Variants in PHF2 observed in about 807,000 individuals in gnomAD.
PHF2 encodes lysine-specific demethylase PHF2.
Under a neutral mutation model 120.5 loss-of-function variants are expected in PHF2, and 27 were observed. The ratio of observed to expected loss-of-function variants is 0.22; its 90% confidence interval spans 0.17 to 0.31. The LOEUF (loss-of-function observed/expected upper bound fraction) is 0.31. Among genes scored for constraint, PHF2 ranks in the 10% least tolerant of loss-of-function variants. PHF2 has a pLI of 1.00. For missense variants in PHF2, 1,024 were observed against 1,434.8 expected, an observed-to-expected ratio of 0.71 and a Z score of 4.63; for synonymous variants, 568 against 592.5, an observed-to-expected ratio of 0.96 and a Z score of 0.60.
chr9:93,654,273 T>C, intron 6 of PHF2, 140 bp from the exon 7 acceptor site: 1 of 689,812 alleles, frequency 1.4e-6, no homozygotes, highest in Non-Finnish European at 2.5e-6. Flanking sequence ...ATTTCTGAAT[T>C]GCAAAGCACC....
chr9:93,593,102 A>AGGG (rs1825262020), intron 1 of PHF2, among the ~76,000 whole-genome samples: 1 of 121,960 alleles, frequency 8.2e-6, no homozygotes, highest in Admixed American at 8.0e-5. Flanking sequence ...AAAAAAAAAA[A>AGGG]AAAAAAAAAG....
Position 93,658,659 on chromosome 9 carries a change from CTG to C in PHF2, c.1239+424_1239+425del, listed in dbSNP as rs570462170. Reference sequence around the variant, plus strand: ...GGAACCTGGTGGGGGCAGGGAAGGACTGGGGGAGTGGCTGGCCCCAGGACAGG... The same window carrying C: ...GGAACCTGGTGGGGGCAGGGAAGGACGGGGAGTGGCTGGCCCCAGGACAGG... On this transcript the variant is annotated intron_variant, in intron 10 of 21. Transcript: ENST00000359246. Among the ~76,000 whole-genome samples the C allele has an allele frequency of 2.6e-3, 389 of 152,186 alleles. 3 individuals are homozygous for C. Among genetic ancestry groups the C allele is most frequent in the Non-Finnish European group, 4.9e-4 (33 of 67,966 alleles).
At chr9:93,616,730 A>G (rs985485936) in intron 1 of PHF2, among the ~76,000 whole-genome samples, 1 of 151,180 alleles carries the variant, frequency 6.6e-6, no homozygotes, top group Non-Finnish European at 1.5e-5. Context: ...ATCTCGGCTC[A>G]CCGCAACCTC....
At chr9:93,619,177 C>T (rs1227403378) in intron 1 of PHF2, among the ~76,000 whole-genome samples, 12 of 152,138 alleles carry the variant, frequency 7.9e-5, no homozygotes. Flanking sequence ...TGGTCCTTGC[C>T]CTACCCTTTC....
chr9:93,593,208 T>C (rs1389540849), intron 1 of PHF2, among the ~76,000 whole-genome samples: 3 of 151,906 alleles, frequency 2.0e-5, no homozygotes, highest in Non-Finnish European at 4.4e-5. Context: ...GCCTCCTTTA[T>C]TTCCATTTTC....
chr9:93,655,830 C>T (rs1381287170), intron 7 of PHF2, 104 bp from the exon 8 acceptor site: 15 of 771,122 alleles, frequency 1.9e-5, no homozygotes, highest in South Asian at 7.0e-5. Context: ...TGGGCTGGGC[C>T]GGGAAAGGCC....
At position 93,674,477 on chromosome 9, in the gene PHF2, T is replaced by C. The variant is rs1032518507; in HGVS notation, c.2627-450T>C. ...GAACCTTTCCTGGAGCCTCAAAGTG[T>C]TTCTCTTGCAGGAACTGAGATGCCC... On this transcript the variant is annotated intron_variant, in intron 18 of 21. Coordinates refer to ENST00000359246, the MANE Select transcript of PHF2 (RefSeq NM_005392.4). Among the ~76,000 whole-genome samples the C allele has an allele frequency of 3.3e-5, 5 of 152,300 alleles. No homozygotes were observed. The East Asian group carries it at 7.7e-4, about 24-fold the overall frequency.
intron 1 of PHF2, among the ~76,000 whole-genome samples, chr9:93,621,563 A>G (rs1421671685): frequency 1.3e-5 from 2 of 152,322 alleles, no homozygotes; most frequent in East Asian, 3.9e-4. Context: ...AGAGCGTCCT[A>G]AAGTGGACAC....
chr9:93,645,277 G>A (rs529830380), intron 3 of PHF2, among the ~76,000 whole-genome samples: 13 of 152,332 alleles, frequency 8.5e-5, no homozygotes, highest in Middle Eastern at 6.8e-3. Context: ...TCACCTATGG[G>A]TCAGCCCGGG....
chr9:93,577,950 C>T (rs1025694676), intron 1 of PHF2, among the ~76,000 whole-genome samples: 3 of 152,172 alleles, frequency 2.0e-5, no homozygotes, highest in African/African-American at 7.2e-5. Flanking sequence ...TCTGGGGCTC[C>T]AGTCCCAAAC....
chr9:93,604,938 C>T (rs959623371), intron 1 of PHF2, among the ~76,000 whole-genome samples: 1 of 152,070 alleles, frequency 6.6e-6, no homozygotes, highest in Admixed American at 6.5e-5. Context: ...CCCACATTTC[C>T]CCAGAATCTT....
intron 1 of PHF2, among the ~76,000 whole-genome samples, chr9:93,624,289 G>A (rs1296152635): frequency 6.6e-6 from 1 of 152,142 alleles, no homozygotes; most frequent in African/African-American, 2.4e-5. Flanking sequence ...TGATGGTGAA[G>A]GTGATGGTGA....
intron 16 of PHF2, among the ~76,000 whole-genome samples, chr9:93,666,406 T>C (rs1199110865): frequency 2.0e-5 from 3 of 152,222 alleles, no homozygotes; most frequent in Non-Finnish European, 4.4e-5. Flanking sequence ...GCGGTGTCTC[T>C]TTACATGTGT....
intron 2 of PHF2, among the ~76,000 whole-genome samples, chr9:93,631,908 C>T (rs1806673): frequency 1.3e-5 from 2 of 152,178 alleles, no homozygotes; most frequent in South Asian, 4.2e-4. Context: ...GTGTCAGAAA[C>T]CCCTGGGCCA....
At chr9:93,625,172 C>T (rs1825892950) in intron 1 of PHF2, among the ~76,000 whole-genome samples, 1 of 152,202 alleles carries the variant, frequency 6.6e-6, no homozygotes, top group Non-Finnish European at 1.5e-5. Flanking sequence ...AGCTTTCTGT[C>T]TCCATGGATA....
At position 93,603,911 on chromosome 9, in the gene PHF2, G is replaced by C. The variant is rs143920197; in HGVS notation, c.99-26059G>C. 6.7e-3 allele frequency among the ~76,000 whole-genome samples: 1,018 copies of C among 152,332 alleles called. 13 individuals carry two copies. Among genetic ancestry groups the C allele is most frequent in the African/African-American group, 0.024 (979 of 41,576 alleles). ...ATGCTCACCTTCAGTCTGAGGCCTT[G>C]GGGCTGGCTCTGCTTGGCCACCTCC... On this transcript the variant is annotated intron_variant, in intron 1 of 21. Coordinates refer to ENST00000359246, the MANE Select transcript of PHF2 (RefSeq NM_005392.4).
chr9:93,644,458 T>C (rs1040635485), intron 3 of PHF2, among the ~76,000 whole-genome samples: 4 of 151,578 alleles, frequency 2.6e-5, no homozygotes, highest in Non-Finnish European at 5.9e-5. Flanking sequence ...CGGCTCCCAG[T>C]GCTTCTGGTG....
At chr9:93,669,333 T>C (rs1443684467) in intron 17 of PHF2, among the ~76,000 whole-genome samples, 3 of 152,234 alleles carry the variant, frequency 2.0e-5, no homozygotes, top group African/African-American at 7.2e-5. Context: ...GAGCTGGGGC[T>C]GGGAGAGCCT....
chr9:93,634,863 C>G (rs1829348219), intron 2 of PHF2, among the ~76,000 whole-genome samples: 1 of 152,200 alleles, frequency 6.6e-6, no homozygotes, highest in South Asian at 2.1e-4. Flanking sequence ...CAAGCACCTA[C>G]CGCACCAGGT....
Sources: gnomAD v4.1 joint callset for allele counts (sites outside exome capture counted in the v4.1 genomes callset) on GRCh38, gnomAD v4.1.1 for gene constraint, MANE v1.5 for transcripts, NCBI Gene and HGNC (gene_info 2026-07-23, HGNC 2026-07-21) for gene names.